ASXL1: variants seen among roughly 807,000 people sequenced by gnomAD.
ASXL1 encodes ASXL transcriptional regulator 1.
A neutral mutation model predicts 89.1 loss-of-function variants in ASXL1; 65 were observed. The observed-to-expected ratio is 0.73, with a 90% CI of 0.60 to 0.90. ASXL1 has a LOEUF of 0.90. Ranked by LOEUF, ASXL1 falls within the 40% of genes least tolerant of loss-of-function variation. ASXL1 has a pLI of 0.00. For synonymous variants in ASXL1, 739 were observed against 746.9 expected (o/e 0.99, Z 0.17); for missense variants, 1,786 against 1,942.9 (o/e 0.92, Z 1.52).
chr20:32,400,307 C>T (rs1480419474), intron 4 of ASXL1, among the ~76,000 whole-genome samples: 3 of 151,924 alleles, frequency 2.0e-5, no homozygotes, highest in East Asian at 1.9e-4. Flanking sequence ...AGTTTTACCT[C>T]GTTGGGTGCT....
At position 32,431,615 on chromosome 20, in the gene ASXL1, C is replaced by T. The variant is rs2123237912; in HGVS notation, c.915C>T (p.Ser305=). ...VGTDGLLRLS[S]SALNNEFFTH... is the part of the protein sequence containing the mutation. ...CGGATGGCCTGTTGCGTCTCAGCAG[C>T]AGTGCACTAAATAACGAGTTTTTTA... The change falls in exon 10 of 13, where the codon AGC becomes AGT. Residue 305 remains serine (S), a synonymous_variant. Transcript: ENST00000375687. 1 of 1,614,134 alleles carries T rather than the reference C, an allele frequency of 6.2e-7. No homozygotes were observed. Among genetic ancestry groups the T allele is most frequent in the Non-Finnish European group, 8.5e-7 (1 of 1,180,038 alleles).
At chr20:32,371,168 A>G (rs1487263852) in intron 4 of ASXL1, among the ~76,000 whole-genome samples, 1 of 151,976 alleles carries the variant, frequency 6.6e-6, no homozygotes, top group Non-Finnish European at 1.5e-5. Context: ...GAGGGATTTA[A>G]CCCTTCTTTT....
Position 32,439,220 on chromosome 20 carries a change from G to T in ASXL1, c.*1882G>T. ...CTGGAACCTTTGGGGACACTCAAGG[G>T]TACAGTTTGACACTGATCTGGTCCA... On this transcript the variant is annotated 3_prime_UTR_variant, in exon 13 of 13. Transcript: ENST00000375687. The T allele has an allele frequency of 4.3e-6, 1 of 233,496 alleles. No homozygotes were observed. The highest frequency in any genetic ancestry group is 2.2e-5 in the African/African-American group (1 of 45,448). The allele number at this position is 233,496 out of a possible 1,614,324, so 14.5% of individuals were successfully genotyped here.
intron 4 of ASXL1, among the ~76,000 whole-genome samples, chr20:32,381,543 C>T (rs541399185): frequency 8.1e-4 from 115 of 141,650 alleles, no homozygotes; most frequent in Non-Finnish European, 1.5e-3. Context: ...GAGACGGAGT[C>T]TCGCTGTGTC....
At chr20:32,408,877 A>G (rs2048999649) in intron 4 of ASXL1, among the ~76,000 whole-genome samples, 1 of 152,114 alleles carries the variant, frequency 6.6e-6, no homozygotes, top group Non-Finnish European at 1.5e-5. Flanking sequence ...TCCAGTTATT[A>G]TCATCTTTAA....
chr20:32,437,428 T>A lies in ASXL1; in HGVS notation c.*90T>A, dbSNP rs2295763. The A allele has an allele frequency of 7.0e-6, 11 of 1,563,792 alleles. No homozygotes were observed. Among genetic ancestry groups the A allele is most frequent in the Non-Finnish European group, 8.8e-6 (10 of 1,136,876 alleles). On this transcript the variant is annotated 3_prime_UTR_variant, in exon 13 of 13. Transcript: ENST00000375687. Reference sequence around the variant, plus strand: ...ATCTGTATACAGAATATCATTGATATAATACTCTTTAGGCAGGAGCACTCT... The same window carrying A: ...ATCTGTATACAGAATATCATTGATAAAATACTCTTTAGGCAGGAGCACTCT...
chr20:32,418,198 T>C (rs2049171211), intron 4 of ASXL1, among the ~76,000 whole-genome samples: 1 of 151,214 alleles, frequency 6.6e-6, no homozygotes, highest in Non-Finnish European at 1.5e-5. Flanking sequence ...TAATAATAAA[T>C]AAATACAATA....
rs2145371007 is a variant in ASXL1 at position 32,435,372 on chromosome 20, C to A, written c.2660C>A (p.Thr887Asn). ...ESDTRQENLKTKALVSNSSLH... is the reference protein window; with the variant it reads ...ESDTRQENLKNKALVSNSSLH... Reference sequence around the variant, plus strand: ...GATACTAGACAAGAAAACTTGAAAACCAAGGCTCTCGTTTCTAACAGTTCT... The same window carrying A: ...GATACTAGACAAGAAAACTTGAAAAACAAGGCTCTCGTTTCTAACAGTTCT... Residue 887 changes from threonine to asparagine, a missense_variant, in exon 13 of 13, where the codon ACC becomes AAC. By Grantham distance (65) the Thr-to-Asn change is moderately conservative. This residue lies in a region of ASXL1 where 1,418 missense variants were observed against 1,427.8 expected (regional missense o/e 0.99). Transcript: ENST00000375687. 5.0e-6 allele frequency: 8 copies of A among 1,614,150 alleles called. No homozygotes were observed. The highest frequency in any genetic ancestry group is 6.8e-6 in the Non-Finnish European group (8 of 1,180,026).
chr20:32,366,973 G>A (rs1054083741), intron 2 of ASXL1, among the ~76,000 whole-genome samples: 5 of 151,780 alleles, frequency 3.3e-5, no homozygotes, highest in Non-Finnish European at 7.4e-5. Context: ...CAAATTTATG[G>A]TGTAGTTTTC....
chr20:32,377,694 C>T (rs1179761969), intron 4 of ASXL1, among the ~76,000 whole-genome samples: 1 of 151,894 alleles, frequency 6.6e-6, no homozygotes, highest in Non-Finnish European at 1.5e-5. Context: ...ACTCTGTCGC[C>T]CAGGCTGGAG....
intron 1 of ASXL1, among the ~76,000 whole-genome samples, chr20:32,363,990 C>T (rs369218413): frequency 4.6e-5 from 7 of 152,298 alleles, no homozygotes; most frequent in African/African-American, 1.7e-4. Flanking sequence ...GTAGGCATTA[C>T]TTACATTGTC....
chr20:32,425,569 G>T (rs145849091), intron 4 of ASXL1, among the ~76,000 whole-genome samples: 5 of 152,228 alleles, frequency 3.3e-5, no homozygotes, highest in Non-Finnish European at 5.9e-5. Context: ...GCATTATTTT[G>T]CATTTTCCTT....
Position 32,432,934 on chromosome 20 carries a change from A to G in ASXL1, c.1034A>G (p.Lys345Arg). ...VRIRQEMEKE[K>R]KVEQWKEKFF... Reference sequence around the variant, plus strand: ...ATACGACAGGAAATGGAGAAGGAAAAGAAGGTGGAACAATGGAAAGAAAAG... The same window carrying G: ...ATACGACAGGAAATGGAGAAGGAAAGGAAGGTGGAACAATGGAAAGAAAAG... Residue 345 changes from lysine to arginine, a missense_variant, in exon 11 of 13, where the codon AAG becomes AGG. Coordinates refer to ENST00000375687, the MANE Select transcript of ASXL1 (RefSeq NM_015338.6). 2 of 1,614,064 alleles carry G rather than the reference A, an allele frequency of 1.2e-6. No individual in the cohort carries two copies. The highest frequency in any genetic ancestry group is 1.7e-6 in the Non-Finnish European group (2 of 1,180,018).
intron 4 of ASXL1, chr20:32,371,842 C>T (rs1169931522): frequency 2.3e-6 from 1 of 439,956 alleles, no homozygotes; most frequent in Non-Finnish European, 4.6e-6. Flanking sequence ...ATCTTCCCAC[C>T]ACAGCTTCAC....
At chr20:32,396,651 A>G (rs558674416) in intron 4 of ASXL1, among the ~76,000 whole-genome samples, 1 of 152,314 alleles carries the variant, frequency 6.6e-6, no homozygotes, top group East Asian at 1.9e-4. Context: ...CAGTGTACAG[A>G]CTACTGTCAG....
intron 4 of ASXL1, among the ~76,000 whole-genome samples, chr20:32,392,179 A>T (rs1473787306): frequency 6.6e-6 from 1 of 151,668 alleles, no homozygotes; most frequent in African/African-American, 2.4e-5. Flanking sequence ...TAGTGGCATG[A>T]TCATGGCTCA....
rs768565271 is a variant in ASXL1 at position 32,437,292 on chromosome 20, G to A, written c.4580G>A (p.Cys1527Tyr). ...TGCGGTGCGTTCTGTCACGATGACT[G>A]TATTGGACCCTCAAAGCTCTGTGTA... ...QGCGAFCHDDCIGPSKLCVLC... is the reference protein window; with the variant it reads ...QGCGAFCHDDYIGPSKLCVLC... The change falls in exon 13 of 13, where the codon TGT becomes TAT. Residue 1527 changes from cysteine (C) to tyrosine (Y), a missense_variant. Transcript: ENST00000375687. 1 of 1,614,160 alleles carries A rather than the reference G, an allele frequency of 6.2e-7. No individual in the cohort carries two copies. Among genetic ancestry groups the A allele is most frequent in the Non-Finnish European group, 8.5e-7 (1 of 1,180,042 alleles).
chr20:32,418,666 C>T (rs1269255496), intron 4 of ASXL1, among the ~76,000 whole-genome samples: 1 of 152,148 alleles, frequency 6.6e-6, no homozygotes, highest in African/African-American at 2.4e-5. Flanking sequence ...TTCTAAAAAG[C>T]AACTCCTCTC....
Position 32,439,170 on chromosome 20 carries a change from A to G in ASXL1, c.*1832A>G, listed in dbSNP as rs1321912221. The G allele has an allele frequency of 8.6e-6, 2 of 233,504 alleles. No homozygotes were observed. The highest frequency in any genetic ancestry group is 1.7e-5 in the Non-Finnish European group (2 of 118,004). 14.5% of individuals were successfully genotyped at this position (233,504 alleles called of 1,614,324 possible). A position where few individuals can be genotyped will look rare whatever the true frequency, so the allele number is the denominator to read the frequency against. On this transcript the variant is annotated 3_prime_UTR_variant, in exon 13 of 13. Transcript: ENST00000375687. ...AAAGACCGGGAACAGGGGCCCAAAC[A>G]TGTCCAGTCCTCTTCTTCCCTCTGC...
Sources: allele counts gnomAD v4.1 joint callset (sites outside exome capture counted in the v4.1 genomes callset), GRCh38; gene constraint gnomAD v4.1.1; regional missense constraint gnomAD v4.1.1; transcripts MANE v1.5; gene names NCBI Gene and HGNC (gene_info 2026-07-23, HGNC 2026-07-21).